Variants in ALCAM observed in about 807,000 individuals in gnomAD.
ALCAM encodes the protein activated leukocyte cell adhesion molecule.
In ALCAM, 30 loss-of-function variants were observed where a neutral mutation model predicts 70.9. The observed-to-expected ratio is 0.42, with a 90% CI of 0.32 to 0.57. The LOEUF (loss-of-function observed/expected upper bound fraction) is 0.57, where lower values mean the gene tolerates loss of function less well. ALCAM is among the 20% of genes least tolerant of loss of function. ALCAM has a pLI of 0.11. For missense variants in ALCAM, 591 were observed against 695.1 expected, an observed-to-expected ratio of 0.85 and a Z score of 1.68; for synonymous variants, 249 against 242.5, an observed-to-expected ratio of 1.03 and a Z score of -0.25.
At chr3:105,405,209 G>A (rs1398696427) in intron 1 of ALCAM, among the ~76,000 whole-genome samples, 1 of 145,772 alleles carries the variant, frequency 6.9e-6, no homozygotes, top group East Asian at 2.2e-4. Context: ...CCTGGGAGGT[G>A]GAGGTTGCAG....
At chr3:105,470,583 A>G (rs537009459) in intron 1 of ALCAM, among the ~76,000 whole-genome samples, 2 of 151,408 alleles carry the variant, frequency 1.3e-5, no homozygotes, top group Admixed American at 1.3e-4. Context: ...ACTATCATTC[A>G]TCAGCATTTT....
intron 1 of ALCAM, among the ~76,000 whole-genome samples, chr3:105,467,786 T>G (rs922658475): frequency 1.5e-4 from 22 of 151,328 alleles, no homozygotes; most frequent in African/African-American, 4.8e-4. Flanking sequence ...AAAATTACAC[T>G]TAAAAACAAT....
intron 1 of ALCAM, among the ~76,000 whole-genome samples, chr3:105,375,854 A>T (rs1935362229): frequency 6.6e-6 from 1 of 152,198 alleles, no homozygotes; most frequent in Non-Finnish European, 1.5e-5. Flanking sequence ...TGTGGCCACC[A>T]ACAGTATGGC....
chr3:105,573,259 G>T (rs776351747), intron 15 of ALCAM, among the ~76,000 whole-genome samples: 1 of 152,162 alleles, frequency 6.6e-6, no homozygotes. Flanking sequence ...CCCAAGAGGT[G>T]GGGGTTGCAG....
At chr3:105,467,157 G>A (rs953035982) in intron 1 of ALCAM, among the ~76,000 whole-genome samples, 1 of 151,190 alleles carries the variant, frequency 6.6e-6, no homozygotes, top group African/African-American at 2.4e-5. Context: ...ACATAGGCTA[G>A]TATGAAAAGT....
chr3:105,558,593 A>G (rs1178927414), intron 14 of ALCAM, among the ~76,000 whole-genome samples: 2 of 152,146 alleles, frequency 1.3e-5, no homozygotes, highest in African/African-American at 4.8e-5. Context: ...ATTTCAAAAC[A>G]AGTGTAGAAT....
intron 1 of ALCAM, among the ~76,000 whole-genome samples, chr3:105,488,959 T>G (rs571063935): frequency 6.6e-6 from 1 of 152,190 alleles, no homozygotes; most frequent in Non-Finnish European, 1.5e-5. Context: ...TAAACCAAGT[T>G]GAATAATGGA....
chr3:105,373,315 G>T (rs550526455), intron 1 of ALCAM, among the ~76,000 whole-genome samples: 39 of 152,166 alleles, frequency 2.6e-4, no homozygotes, highest in African/African-American at 8.2e-4. Flanking sequence ...CTTTATTTTT[G>T]ATTATTTTAA....
intron 1 of ALCAM, among the ~76,000 whole-genome samples, chr3:105,466,894 G>A (rs1377458283): frequency 6.6e-6 from 1 of 151,260 alleles, no homozygotes; most frequent in African/African-American, 2.4e-5. Flanking sequence ...CACACAGGGT[G>A]AGCAGACTCT....
At chr3:105,509,330 G>A (rs1559815785) in intron 1 of ALCAM, among the ~76,000 whole-genome samples, 1 of 151,930 alleles carries the variant, frequency 6.6e-6, no homozygotes, top group African/African-American at 2.4e-5. Context: ...TTGCCACCAA[G>A]AGCGTACAAG....
At chr3:105,469,595 T>C (rs1937862123) in intron 1 of ALCAM, among the ~76,000 whole-genome samples, 1 of 151,196 alleles carries the variant, frequency 6.6e-6, no homozygotes, top group South Asian at 2.1e-4. Context: ...GGATTTTGTC[T>C]GAGGACCAAA....
chr3:105,535,227 C>A (rs1939940149), intron 6 of ALCAM, among the ~76,000 whole-genome samples: 1 of 151,962 alleles, frequency 6.6e-6, no homozygotes, highest in South Asian at 2.1e-4. Flanking sequence ...AGATCAATTG[C>A]ATAAGTTTGA....
At position 105,540,100 on chromosome 3, in the gene ALCAM, C is replaced by T; in HGVS notation, c.856C>T (p.Pro286Ser). ...CCCAGAGGAATTTTTGTTTTACTTA[C>T]CAGTAAGTGCTTAAGTATTACTTCA... is the stretch of plus-strand genomic sequence containing the variant. ...PPPEEFLFYL[P>S]GQPEGIRSSN... Residue 286 changes from proline to serine, a missense_variant and splice_region_variant, in exon 7 of 16, where the codon CCA becomes TCA. By Grantham distance (74) the Pro-to-Ser change is moderately conservative. Coordinates refer to ENST00000306107, the MANE Select transcript of ALCAM (RefSeq NM_001627.4). The T allele has an allele frequency of 1.2e-6, 2 of 1,610,656 alleles. No homozygotes were observed. Among genetic ancestry groups the T allele is most frequent in the South Asian group, 1.1e-5 (1 of 90,918 alleles).
At chr3:105,552,810 C>A in intron 14 of ALCAM, 2 of 1,330,400 alleles carry the variant, frequency 1.5e-6, no homozygotes, top group Non-Finnish European at 1.9e-6. Context: ...TTATTTGTCT[C>A]AATCAATAGC....
At chr3:105,397,993 A>T (rs917607693) in intron 1 of ALCAM, among the ~76,000 whole-genome samples, 1 of 152,104 alleles carries the variant, frequency 6.6e-6, no homozygotes, top group Non-Finnish European at 1.5e-5. Context: ...ACATGGTCCT[A>T]TGAAGCTTTT....
At chr3:105,483,236 G>A (rs577747647) in intron 1 of ALCAM, among the ~76,000 whole-genome samples, 9 of 151,996 alleles carry the variant, frequency 5.9e-5, no homozygotes, top group Non-Finnish European at 7.4e-5. Context: ...CTTAGTCATC[G>A]TTTACTCATT....
Position 105,534,765 on chromosome 3 carries a change from C to G in ALCAM, c.650C>G (p.Pro217Arg). Reference protein sequence around the residue: ...YKTTKADIQMPFTCSVTYYGP... With the variant: ...YKTTKADIQMRFTCSVTYYGP... Reference sequence around the variant, plus strand: ...ACAACCAAGGCTGACATACAAATGCCATTCACCTGCTCGGTGACATATTAT... The same window carrying G: ...ACAACCAAGGCTGACATACAAATGCGATTCACCTGCTCGGTGACATATTAT... The change falls in exon 6 of 16, where the codon CCA becomes CGA. Residue 217 changes from proline to arginine, a missense_variant. By Grantham distance (103) the Pro-to-Arg change is moderately radical. This residue lies in a region of ALCAM where 427 missense variants were observed against 450.4 expected (regional missense o/e 0.95). Transcript: ENST00000306107. 1 of 1,613,766 alleles carries G rather than the reference C, an allele frequency of 6.2e-7. No homozygotes were observed. The highest frequency in any genetic ancestry group is 1.1e-5 in the South Asian group (1 of 91,080).
At chr3:105,544,868 A>G (rs888187821) in intron 8 of ALCAM, 29 of 249,000 alleles carry the variant, frequency 1.2e-4, no homozygotes, top group Non-Finnish European at 2.1e-4. Flanking sequence ...TCTTTATATA[A>G]TATTTACCTA....
chr3:105,382,428 G>T (rs1393249570), intron 1 of ALCAM, among the ~76,000 whole-genome samples: 1 of 151,998 alleles, frequency 6.6e-6, no homozygotes, highest in African/African-American at 2.4e-5. Context: ...ATAGCAGCAT[G>T]ATTTATAGTC....
Sources: allele counts gnomAD v4.1 joint callset (sites outside exome capture counted in the v4.1 genomes callset), GRCh38; gene constraint gnomAD v4.1.1; regional missense constraint gnomAD v4.1.1; transcripts MANE v1.5; gene names NCBI Gene and HGNC (gene_info 2026-07-23, HGNC 2026-07-21).